The following PRUNE2 variants were observed in gnomAD, a reference collection of about 807,000 sequenced individuals.
PRUNE2 encodes the protein protein prune homolog 2.
PRUNE2 carries 164 observed loss-of-function variants against 252.0 expected under a neutral mutation model. That is an observed-to-expected ratio of 0.65 (90% CI 0.57 to 0.74). The LOEUF (loss-of-function observed/expected upper bound fraction) is 0.74, where lower values mean the gene tolerates loss of function less well. PRUNE2 is among the 30% of genes least tolerant of loss of function. The pLI, the probability that PRUNE2 is intolerant of heterozygous loss-of-function variation, is 0.00. For synonymous variants in PRUNE2, 1,292 were observed against 1,350.2 expected, an observed-to-expected ratio of 0.96 and a Z score of 0.94; for missense variants, 3,495 against 3,711.0, an observed-to-expected ratio of 0.94 and a Z score of 1.51.
chr9:76,703,847 G>C lies in PRUNE2; in HGVS notation c.7766C>G (p.Thr2589Ser). 1 of 1,614,010 alleles carries C rather than the reference G, an allele frequency of 6.2e-7. No individual in the cohort carries two copies. ...TGTGTCTGGGAAGCTTGCTAACTGA[G>C]TTCCCTGCAGCCCTGTTTCTTTGGA... is the stretch of plus-strand genomic sequence containing the variant. Reference protein sequence around the residue: ...VGSKETGLQGTQLASFPDTCQ... With the variant: ...VGSKETGLQGSQLASFPDTCQ... Residue 2589 changes from threonine to serine, a missense_variant, in exon 9 of 19, where the codon ACT becomes AGT. Coordinates refer to ENST00000376718, the MANE Select transcript of PRUNE2 (RefSeq NM_015225.3).
chr9:76,897,457 T>C (rs1028287525), intron 1 of PRUNE2, among the ~76,000 whole-genome samples: 2 of 125,408 alleles, frequency 1.6e-5, no homozygotes, highest in Non-Finnish European at 3.2e-5. Context: ...TCATCCAGTC[T>C]GGAAGGAGTG....
chr9:76,737,487 C>G (rs914089966), intron 6 of PRUNE2: 3 of 152,260 alleles, frequency 2.0e-5, no homozygotes, highest in African/African-American at 7.2e-5. Flanking sequence ...GAGCTATCTA[C>G]TTTAGCAACA....
intron 9 of PRUNE2, among the ~76,000 whole-genome samples, chr9:76,670,284 G>A (rs1245386153): frequency 6.6e-6 from 1 of 152,098 alleles, no homozygotes; most frequent in Non-Finnish European, 1.5e-5. Flanking sequence ...CAAAGAAAGG[G>A]GTGACGGACG....
At position 76,612,090 on chromosome 9, in the gene PRUNE2, T is replaced by C. The variant is rs935831200; in HGVS notation, c.*2480A>G. On this transcript the variant is annotated 3_prime_UTR_variant, in exon 19 of 19. Coordinates refer to ENST00000376718, the MANE Select transcript of PRUNE2 (RefSeq NM_015225.3). ...ATTTACTTGGGGTGAATGTACATGGTAGCTTTTCCCTAGCACATGCAATTA... is the reference window on the plus strand; with the variant it reads ...ATTTACTTGGGGTGAATGTACATGGCAGCTTTTCCCTAGCACATGCAATTA... The C allele has an allele frequency of 6.6e-6, 1 of 152,298 alleles. No individual in the cohort carries two copies. Among genetic ancestry groups the C allele is most frequent in the Admixed American group, 6.5e-5 (1 of 15,284 alleles). 9.4% of individuals were successfully genotyped at this position (152,298 alleles called of 1,614,324 possible). A position where few individuals can be genotyped will look rare whatever the true frequency, so the allele number is the denominator to read the frequency against.
intron 6 of PRUNE2, among the ~76,000 whole-genome samples, chr9:76,727,921 G>A (rs1467361950): frequency 6.6e-6 from 1 of 151,836 alleles, no homozygotes. Flanking sequence ...TCACCATGTT[G>A]TCCAGGCTGG....
rs536124252 is a variant in PRUNE2 at position 76,662,576 on chromosome 9, T to C, written c.8277-7074A>G. ...AGATTAGGTTCTTTTTAACAGGAAATGAGCAGTGAGCCAAGAGCTGGCACA... is the reference window on the plus strand; with the variant it reads ...AGATTAGGTTCTTTTTAACAGGAAACGAGCAGTGAGCCAAGAGCTGGCACA... On this transcript the variant is annotated intron_variant, in intron 9 of 18. Coordinates refer to ENST00000376718, the MANE Select transcript of PRUNE2 (RefSeq NM_015225.3). Among the ~76,000 whole-genome samples the C allele has an allele frequency of 1.2e-4, 19 of 152,304 alleles. No individual in the cohort carries two copies. In the South Asian group the frequency reaches 3.9e-3, roughly 32 times the overall value.
In PRUNE2 at chr9:76,655,526, G is replaced by A. The variant is rs368020223; in HGVS notation, c.8277-24C>T. 3.0e-3 allele frequency: 4,690 copies of A among 1,562,746 alleles called. 11 individuals carry two copies. Among genetic ancestry groups the A allele is most frequent in the Non-Finnish European group, 3.3e-3 (3,696 of 1,135,448 alleles). On this transcript the variant is annotated intron_variant, in intron 9 of 18. Transcript: ENST00000376718. ...GTCTGCAAAAAAAGCAAAGCAAAGC[G>A]CGTCAACAACAACTGTGTAAGACTT... is the stretch of plus-strand genomic sequence containing the variant.
intron 4 of PRUNE2, among the ~76,000 whole-genome samples, chr9:76,840,392 C>T (rs905834083): frequency 2.0e-5 from 3 of 152,166 alleles, no homozygotes; most frequent in Admixed American, 1.3e-4. Flanking sequence ...ATTTACAGCA[C>T]ACCAGCATGC....
At chr9:76,667,086 T>C (rs1343462118) in intron 9 of PRUNE2, among the ~76,000 whole-genome samples, 1 of 152,174 alleles carries the variant, frequency 6.6e-6, no homozygotes, top group South Asian at 2.1e-4. Context: ...TTCCTTTTGA[T>C]AAGAAGTTTA....
At chr9:76,792,038 C>T (rs562974090) in intron 6 of PRUNE2, among the ~76,000 whole-genome samples, 1 of 152,180 alleles carries the variant, frequency 6.6e-6, no homozygotes, top group African/African-American at 2.4e-5. Context: ...TTTCCTGTGC[C>T]TTTGTGCGAG....
intron 11 of PRUNE2, chr9:76,651,878 C>A (rs553070243): frequency 6.6e-6 from 1 of 152,154 alleles, no homozygotes; most frequent in African/African-American, 2.4e-5. Flanking sequence ...AATAAAGATG[C>A]AAACAAATAG....
chr9:76,702,872 G>C (rs1002287988), intron 9 of PRUNE2, among the ~76,000 whole-genome samples: 1 of 152,132 alleles, frequency 6.6e-6, no homozygotes, highest in Non-Finnish European at 1.5e-5. Flanking sequence ...GTTCACTCTG[G>C]TTACTTAATT....
chr9:76,746,501 C>T (rs1288502416), intron 6 of PRUNE2, among the ~76,000 whole-genome samples: 2 of 151,188 alleles, frequency 1.3e-5, no homozygotes, highest in Non-Finnish European at 3.0e-5. Flanking sequence ...GTCAGGAGAT[C>T]GAGACCATCC....
At chr9:76,852,749 T>A (rs1054797597) in intron 2 of PRUNE2, among the ~76,000 whole-genome samples, 1 of 152,206 alleles carries the variant, frequency 6.6e-6, no homozygotes, top group Non-Finnish European at 1.5e-5. Flanking sequence ...TGGCAAACCT[T>A]TGAAGAAGAA....
chr9:76,762,217 A>G (rs1360803928), intron 6 of PRUNE2, among the ~76,000 whole-genome samples: 1 of 152,234 alleles, frequency 6.6e-6, no homozygotes, highest in African/African-American at 2.4e-5. Flanking sequence ...GAGTTCTACA[A>G]CAACCATTAA....
Position 76,708,062 on chromosome 9 carries a change from C to T in PRUNE2, c.4212G>A (p.Glu1404=). Residue 1404 remains glutamate, a synonymous_variant, in exon 8 of 19, where the codon GAG becomes GAA. Transcript: ENST00000376718. The stretch of plus-strand genomic sequence containing the variant: ...GGGAGTCTAGATTGTAAGACCCCTC[C>T]TCATACTCTAAAACTTCCTCTGGTT... ...TEEPEEVLEY[E]EGSYNLDSRD... 1 of 1,614,004 alleles carries T rather than the reference C, an allele frequency of 6.2e-7. No individual in the cohort carries two copies. The highest frequency in any genetic ancestry group is 8.5e-7 in the Non-Finnish European group (1 of 1,179,892).
chr9:76,695,515 G>A (rs505034), intron 9 of PRUNE2, among the ~76,000 whole-genome samples: 119,627 of 152,122 alleles, frequency 0.79, 47,221 homozygotes, highest in East Asian at 0.94. Context: ...GAACAAGAAA[G>A]GCATGGGAAC....
intron 6 of PRUNE2, among the ~76,000 whole-genome samples, chr9:76,721,052 A>G (rs570054490): frequency 6.6e-6 from 1 of 152,266 alleles, no homozygotes; most frequent in African/African-American, 2.4e-5. Context: ...CAGTGAGCCG[A>G]GATCGCACCA....
chr9:76,804,941 G>A (rs982160618), intron 6 of PRUNE2, among the ~76,000 whole-genome samples: 1 of 152,136 alleles, frequency 6.6e-6, no homozygotes, highest in Admixed American at 6.5e-5. Context: ...AATAAAATGG[G>A]CTGGATACAG....
Sources: allele counts gnomAD v4.1 joint callset (sites outside exome capture counted in the v4.1 genomes callset), GRCh38; gene constraint gnomAD v4.1.1; transcripts MANE v1.5; gene names NCBI Gene and HGNC (gene_info 2026-07-23, HGNC 2026-07-21).